The following HECW2 variants were observed in gnomAD, a reference collection of about 807,000 sequenced individuals.
The protein encoded by HECW2 is HECT, C2 and WW domain containing E3 ubiquitin protein ligase 2.
HECW2 carries 61 observed loss-of-function variants against 175.2 expected under a neutral mutation model. The ratio of observed to expected loss-of-function variants is 0.35; its 90% CI spans 0.28 to 0.43. The LOEUF (loss-of-function observed/expected upper bound fraction) is 0.43. Among genes scored for constraint, HECW2 ranks in the 20% least tolerant of loss-of-function variants. The pLI is 1.00. For synonymous variants in HECW2, 671 were observed against 731.0 expected, an observed-to-expected ratio of 0.92 and a Z score of 1.32; for missense variants, 1,524 against 2,000.5, an observed-to-expected ratio of 0.76 and a Z score of 4.54.
rs765603587 is a variant in HECW2 at position 196,319,426 on chromosome 2, C to G, written c.1464G>C (p.Leu488=). 5.0e-6 allele frequency: 8 copies of G among 1,613,704 alleles called. 1 individual carries two copies. The Middle Eastern group carries it at 4.9e-4, about 99-fold the overall frequency. ...CTCTGGATGCCCTGCTAAACATGAT[C>G]AGGCCTCCCTCCTCCTCCAAGGAAG... The part of the protein sequence containing the change: ...YPSSLEEEGG[L]IMFSRASRAD... The change falls in exon 9 of 29, where the codon CTG becomes CTC. Residue 488 remains leucine (L), a synonymous_variant. Coordinates refer to ENST00000644978, the MANE Select transcript of HECW2 (RefSeq NM_001348768.2).
intron 13 of HECW2, among the ~76,000 whole-genome samples, chr2:196,303,605 T>C (rs1477608204): frequency 6.6e-6 from 1 of 152,198 alleles, no homozygotes; most frequent in East Asian, 1.9e-4. Flanking sequence ...GGTCTATTCA[T>C]AGATTCAATT....
In HECW2 at chr2:196,292,697, T is replaced by G. The variant is rs1690647645; in HGVS notation, c.2868A>C (p.Lys956Asn). Reference protein sequence around the residue: ...NNTCLKHMITKVRRDTHHFER... With the variant: ...NNTCLKHMITNVRRDTHHFER... ...CAAAGTGGTGGGTGTCCCTCCGGAC[T>G]TTGGTGATCATGTGCTTCAAACACG... The change falls in exon 14 of 29, where the codon AAA becomes AAC. Residue 956 changes from lysine (K) to asparagine (N), a missense_variant. Lys to Asn is a moderately conservative substitution (Grantham distance 94). This residue lies in a region of HECW2 where 291 missense variants were observed against 412.2 expected (regional missense o/e 0.71). Coordinates refer to ENST00000644978, the MANE Select transcript of HECW2 (RefSeq NM_001348768.2). 1 of 1,613,952 alleles carries G rather than the reference T, an allele frequency of 6.2e-7. No individual in the cohort carries two copies. Among genetic ancestry groups the G allele is most frequent in the African/African-American group, 1.3e-5 (1 of 74,932 alleles).
At position 196,373,745 on chromosome 2, in the gene HECW2, T is replaced by C. The variant is rs568286954; in HGVS notation, c.293-29981A>G. 8.5e-5 allele frequency among the ~76,000 whole-genome samples: 13 copies of C among 152,302 alleles called. No homozygotes were observed. The East Asian group carries it at 2.5e-3, about 29-fold the overall frequency. On this transcript the variant is annotated intron_variant, in intron 2 of 28. Transcript: ENST00000644978. ...ATGAAAAAAATTATCTGCCATGGCT[T>C]GATAAGCAAAATAAGGTGCATGCTC...
chr2:196,510,300 C>T (rs1193036691), intron 1 of HECW2, among the ~76,000 whole-genome samples: 2 of 152,182 alleles, frequency 1.3e-5, no homozygotes, highest in Non-Finnish European at 1.5e-5. Flanking sequence ...AGAACTACTA[C>T]ATCAGGCAGG....
At chr2:196,362,647 G>A (rs16850280) in intron 2 of HECW2, among the ~76,000 whole-genome samples, 6,637 of 152,226 alleles carry the variant, frequency 0.044, 194 homozygotes, top group Middle Eastern at 0.11. Context: ...TCAAACATGC[G>A]GTTATCAATG....
chr2:196,252,736 T>A (rs1363615251), intron 19 of HECW2, among the ~76,000 whole-genome samples: 1 of 152,222 alleles, frequency 6.6e-6, no homozygotes, highest in South Asian at 2.1e-4. Context: ...GTTTTCTTTA[T>A]AGTTACACAA....
chr2:196,221,978 G>A (rs1015677329), intron 24 of HECW2, among the ~76,000 whole-genome samples: 19 of 152,160 alleles, frequency 1.2e-4, no homozygotes, highest in Non-Finnish European at 2.2e-4. Context: ...AAAGAAGATT[G>A]CTTACAACAT....
chr2:196,385,636 C>T (rs143298894), intron 2 of HECW2, among the ~76,000 whole-genome samples: 1 of 152,320 alleles, frequency 6.6e-6, no homozygotes, highest in East Asian at 1.9e-4. Context: ...AGTCCTTTAA[C>T]TTCTCTGGAA....
At chr2:196,202,155 T>C (rs1051225639) in intron 28 of HECW2, among the ~76,000 whole-genome samples, 1 of 152,172 alleles carries the variant, frequency 6.6e-6, no homozygotes, top group Non-Finnish European at 1.5e-5. Flanking sequence ...ACTTTTGACA[T>C]GAAATAGGAA....
intron 2 of HECW2, among the ~76,000 whole-genome samples, chr2:196,417,939 G>A (rs1036994546): frequency 3.9e-5 from 6 of 152,216 alleles, no homozygotes; most frequent in African/African-American, 1.2e-4. Context: ...TATTTACTTG[G>A]ATGCCTTAAA....
intron 1 of HECW2, among the ~76,000 whole-genome samples, chr2:196,581,789 A>G (rs13387233): frequency 0.19 from 28,758 of 152,040 alleles, 3,110 homozygotes; most frequent in African/African-American, 0.3. Flanking sequence ...AACCATGGAC[A>G]GGCGCGGTGG....
intron 2 of HECW2, among the ~76,000 whole-genome samples, chr2:196,404,856 G>A (rs546722393): frequency 1.6e-4 from 18 of 110,160 alleles, no homozygotes; most frequent in Admixed American, 7.2e-4. Flanking sequence ...ACATAGTCTC[G>A]CTCTGTCACC....
intron 2 of HECW2, among the ~76,000 whole-genome samples, chr2:196,427,059 T>C (rs148973968): frequency 6.6e-6 from 1 of 152,290 alleles, no homozygotes; most frequent in East Asian, 1.9e-4. Context: ...AGAGAAATGC[T>C]GGTAAATTAT....
chr2:196,299,556 C>A (rs960939833), intron 13 of HECW2, among the ~76,000 whole-genome samples: 2 of 152,170 alleles, frequency 1.3e-5, no homozygotes, highest in African/African-American at 4.8e-5. Context: ...GGGACCCACT[C>A]CAGACCTACT....
chr2:196,576,074 A>G lies in HECW2; in HGVS notation c.-36+17434T>C, dbSNP rs546118199. 1.3e-4 allele frequency among the ~76,000 whole-genome samples: 19 copies of G among 149,160 alleles called. No homozygotes were observed. In the East Asian group the frequency reaches 3.3e-3, roughly 26 times the overall value. On this transcript the variant is annotated intron_variant, in intron 1 of 28. Transcript: ENST00000644978. ...GGTGGTCTCATAAGATTATAACACCATATTTTTACTATACCTTTTCAGTGT... is the reference window on the plus strand; with the variant it reads ...GGTGGTCTCATAAGATTATAACACCGTATTTTTACTATACCTTTTCAGTGT...
At chr2:196,388,196 G>A (rs1694405257) in intron 2 of HECW2, among the ~76,000 whole-genome samples, 1 of 152,096 alleles carries the variant, frequency 6.6e-6, no homozygotes, top group South Asian at 2.1e-4. Flanking sequence ...TGCCTGGGAG[G>A]CTGAAGCAAG....
At chr2:196,293,485 T>C (rs185063148) in intron 13 of HECW2, among the ~76,000 whole-genome samples, 1 of 152,346 alleles carries the variant, frequency 6.6e-6, no homozygotes, top group East Asian at 1.9e-4. Context: ...ATCTTTGTAA[T>C]AGAATGATTT....
intron 2 of HECW2, among the ~76,000 whole-genome samples, chr2:196,377,178 A>T (rs78688569): frequency 6.6e-6 from 1 of 152,202 alleles, no homozygotes; most frequent in South Asian, 2.1e-4. Flanking sequence ...TGATAAAATA[A>T]TGAGTAAATT....
intron 1 of HECW2, among the ~76,000 whole-genome samples, chr2:196,500,183 A>T (rs1687527462): frequency 6.6e-6 from 1 of 152,208 alleles, no homozygotes; most frequent in Non-Finnish European, 1.5e-5. Flanking sequence ...AAATGAGATG[A>T]TATATGTGAA....
Sources: gnomAD v4.1 joint callset for allele counts (sites outside exome capture counted in the v4.1 genomes callset) on GRCh38, gnomAD v4.1.1 for gene constraint, gnomAD v4.1.1 regional missense constraint, MANE v1.5 for transcripts, NCBI Gene and HGNC (gene_info 2026-07-23, HGNC 2026-07-21) for gene names.